The following FSIP2 variants were observed in gnomAD, a reference collection of about 807,000 sequenced individuals.
FSIP2 encodes fibrous sheath-interacting protein 2.
A neutral mutation model predicts 510.5 loss-of-function variants in FSIP2; 367 were observed. That is an observed-to-expected ratio of 0.72 (90% CI 0.66 to 0.78). The LOEUF is 0.78. Among genes scored for constraint, FSIP2 ranks in the 30% least tolerant of loss-of-function variants. The pLI, the probability that FSIP2 is intolerant of heterozygous loss-of-function variation, is 0.00. For missense variants in FSIP2, 7,594 were observed against 7,901.7 expected (o/e 0.96, Z 1.48); for synonymous variants, 2,601 against 2,732.2 (o/e 0.95, Z 1.50).
Position 185,808,614 on chromosome 2 carries a change from C to A in FSIP2, c.19308C>A (p.Asn6436Lys). The change falls in exon 17 of 23, where the codon AAC (asparagine) becomes AAA (lysine). Residue 6436 changes from asparagine to lysine, a missense_variant. By Grantham distance (94) the Asn-to-Lys change is moderately conservative. Transcript: ENST00000424728. ...ACATACTGCAACAATCAGGAACCAA[C>A]AAAGAATTTTATTATGATATAAAAG... ...YSNILQQSGT[N>K]KEFYYDIKDT... The A allele has an allele frequency of 4.4e-6, 7 of 1,602,822 alleles. No individual in the cohort carries two copies. Among genetic ancestry groups the A allele is most frequent in the Non-Finnish European group, 5.1e-6 (6 of 1,175,064 alleles).
Position 185,806,994 on chromosome 2 carries a change from G to T in FSIP2, c.17688G>T (p.Met5896Ile). 1 of 1,605,926 alleles carries T rather than the reference G, an allele frequency of 6.2e-7. No homozygotes were observed. The highest frequency in any genetic ancestry group is 8.5e-7 in the Non-Finnish European group (1 of 1,177,284). The change falls in exon 17 of 23, where the codon ATG (methionine) becomes ATT (isoleucine). Residue 5896 changes from methionine (M) to isoleucine (I), a missense_variant. Physicochemically the swap from Met to Ile is conservative, Grantham distance 10. Coordinates refer to ENST00000424728, the MANE Select transcript of FSIP2 (RefSeq NM_173651.4). ...ATAAAATGCCACCTATGCATAAAAT[G>T]ATGAGAAAACCTTCTTCAGATAAGA... Reference protein sequence around the residue: ...SADKMPPMHKMMRKPSSDKIP... With the variant: ...SADKMPPMHKIMRKPSSDKIP...
At chr2:185,830,959 T>C (rs1694097833) in intron 21 of FSIP2, among the ~76,000 whole-genome samples, 1 of 151,942 alleles carries the variant, frequency 6.6e-6, no homozygotes, top group African/African-American at 2.4e-5. Context: ...GAATCAGTAC[T>C]TTACATTGTC....
intron 18 of FSIP2, 86 bp downstream of exon 18, chr2:185,814,128 A>G (rs373090617): frequency 3.1e-6 from 4 of 1,291,036 alleles, no homozygotes; most frequent in African/African-American, 3.0e-5. Context: ...ATTAGTCAGA[A>G]AAGAATGCTA....
Position 185,802,734 on chromosome 2 carries a change from A to G in FSIP2, c.13428A>G (p.Leu4476=), listed in dbSNP as rs549703168. The change falls in exon 17 of 23, where the codon CTA becomes CTG. Residue 4476 remains leucine (L), a synonymous_variant. Transcript: ENST00000424728. ...TTTTAGAAGATATGATCAGAGTACTATTATCTAAATTATTTTCTTCTGCAT... is the reference window on the plus strand; with the variant it reads ...TTTTAGAAGATATGATCAGAGTACTGTTATCTAAATTATTTTCTTCTGCAT... ...YTFLEDMIRV[L]LSKLFSSASS... is the part of the protein sequence containing the mutation. The G allele has an allele frequency of 6.6e-7, 1 of 1,513,898 alleles. No individual in the cohort carries two copies. The highest frequency in any genetic ancestry group is 1.3e-5 in the South Asian group (1 of 79,794). The allele number at this position is 1,513,898 out of a possible 1,614,324, so 93.8% of individuals were successfully genotyped here. A position where few individuals can be genotyped will look rare whatever the true frequency, so the allele number is the denominator to read the frequency against.
At chr2:185,751,918 G>A (rs934846753) in intron 7 of FSIP2, among the ~76,000 whole-genome samples, 8 of 150,702 alleles carry the variant, frequency 5.3e-5, no homozygotes, top group East Asian at 2.0e-4. Flanking sequence ...ATACATACAC[G>A]TAATAATTCC....
chr2:185,803,507 T>C lies in FSIP2; in HGVS notation c.14201T>C (p.Ile4734Thr). ...KTLAARITNI[I>T]LAEIFDFQIH... is the part of the protein sequence containing the mutation. ...TTGGCTGCAAGAATAACTAATATCA[T>C]CCTGGCTGAAATTTTTGATTTCCAA... The change falls in exon 17 of 23, where the codon ATC becomes ACC. Residue 4734 changes from isoleucine to threonine, a missense_variant. By Grantham distance (89) the Ile-to-Thr change is moderately conservative. Coordinates refer to ENST00000424728, the MANE Select transcript of FSIP2 (RefSeq NM_173651.4). The C allele has an allele frequency of 1.3e-6, 2 of 1,532,436 alleles. No individual in the cohort carries two copies. Among genetic ancestry groups the C allele is most frequent in the Non-Finnish European group, 1.7e-6 (2 of 1,144,768 alleles). 94.9% of individuals were successfully genotyped at this position (1,532,436 alleles called of 1,614,324 possible).
chr2:185,783,298 C>T (rs937743696), intron 14 of FSIP2, among the ~76,000 whole-genome samples: 1 of 152,022 alleles, frequency 6.6e-6, no homozygotes, highest in African/African-American at 2.4e-5. Flanking sequence ...CCTTAGTGAC[C>T]ACCTATTTTG....
intron 13 of FSIP2, among the ~76,000 whole-genome samples, chr2:185,771,714 C>A (rs183369692): frequency 6.6e-6 from 1 of 152,186 alleles, no homozygotes; most frequent in Non-Finnish European, 1.5e-5. Flanking sequence ...GTTGTTAACA[C>A]TTGGCCCCCT....
In FSIP2 at chr2:185,790,909, A is replaced by G. The variant is rs1693106544; in HGVS notation, c.3773A>G (p.Asp1258Gly). 2.6e-6 allele frequency: 4 copies of G among 1,527,848 alleles called. No individual in the cohort carries two copies. Among genetic ancestry groups the G allele is most frequent in the East Asian group, 2.5e-5 (1 of 40,808 alleles). 94.6% of individuals were successfully genotyped at this position (1,527,848 alleles called of 1,614,324 possible). A position where few individuals can be genotyped will look rare whatever the true frequency, so the allele number is the denominator to read the frequency against. Residue 1258 changes from aspartate (D) to glycine (G), a missense_variant, in exon 16 of 23, where the codon GAC becomes GGC. Asp to Gly is a moderately conservative substitution (Grantham distance 94). Transcript: ENST00000424728. ...SGKSEPKPVD[D>G]INDKIIRTIF... ...AAAAGTGAACCTAAACCTGTAGATG[A>G]CATTAATGATAAGATCATTCGTACA...
In FSIP2 at chr2:185,794,510, C is replaced by T; in HGVS notation, c.7374C>T (p.Asn2458=). 6.6e-7 allele frequency: 1 copy of T among 1,524,284 alleles called. No homozygotes were observed. The allele number at this position is 1,524,284 out of a possible 1,614,324, so 94.4% of individuals were successfully genotyped here. A position where few individuals can be genotyped will look rare whatever the true frequency, so the allele number is the denominator to read the frequency against. The change falls in exon 16 of 23, where the codon AAC becomes AAT. Residue 2458 remains asparagine, a synonymous_variant. Transcript: ENST00000424728. ...AGCAAAACCAAATGATATTGGAAAA[C>T]AAAAGGCAGATAATTGTTTTGGAAG... ...PLEQNQMILE[N]KRQIIVLEEI... is the part of the protein sequence containing the mutation.
Position 185,804,511 on chromosome 2 carries a change from C to G in FSIP2, c.15205C>G (p.Gln5069Glu). ...YLLLEEIYDY[Q>E]VQSLVSGELE... ...GCTATTGGAAGAAATATATGATTAT[C>G]AAGTGCAGTCATTAGTTTCAGGAGA... is the stretch of plus-strand genomic sequence containing the variant. The change falls in exon 17 of 23, where the codon CAA becomes GAA. Residue 5069 changes from glutamine to glutamate, a missense_variant. Physicochemically the swap from Gln to Glu is conservative, Grantham distance 29. Coordinates refer to ENST00000424728, the MANE Select transcript of FSIP2 (RefSeq NM_173651.4). 6.6e-7 allele frequency: 1 copy of G among 1,513,560 alleles called. No homozygotes were observed. The highest frequency in any genetic ancestry group is 8.8e-7 in the Non-Finnish European group (1 of 1,136,266). The allele number at this position is 1,513,560 out of a possible 1,614,324, so 93.8% of individuals were successfully genotyped here.
Position 185,753,724 on chromosome 2 carries a change from A to G in FSIP2, c.873A>G (p.Lys291=). The change falls in exon 8 of 23, where the codon AAA becomes AAG. Residue 291 remains lysine, a splice_region_variant and synonymous_variant. Coordinates refer to ENST00000424728, the MANE Select transcript of FSIP2 (RefSeq NM_173651.4). The part of the protein sequence containing the change: ...HRNREESDRK[K]QDLLEKKMAY... ...ATATATTTTCTTTAATATTGTAGAA[A>G]CAAGATCTTCTAGAGAAAAAAATGG... is the stretch of plus-strand genomic sequence containing the variant. 8.6e-7 allele frequency: 1 copy of G among 1,165,154 alleles called. No individual in the cohort carries two copies. Among genetic ancestry groups the G allele is most frequent in the Non-Finnish European group, 1.2e-6 (1 of 835,992 alleles). 72.2% of individuals were successfully genotyped at this position (1,165,154 alleles called of 1,614,324 possible).
Position 185,815,472 on chromosome 2 carries a change from GTATATGAAAT to G in FSIP2, c.20426+4_20426+13del. 1.5e-6 allele frequency: 2 copies of G among 1,292,922 alleles called. No homozygotes were observed. Among genetic ancestry groups the G allele is most frequent in the East Asian group, 4.8e-5 (2 of 41,334 alleles). The allele number at this position is 1,292,922 out of a possible 1,614,324, so 80.1% of individuals were successfully genotyped here. A position where few individuals can be genotyped will look rare whatever the true frequency, so the allele number is the denominator to read the frequency against. ...AAGAAGATCTCATTTCATCTACTGG[GTATATGAAAT>G]TAAAGCAGTAGAAATATAGAAATCT... On this transcript the variant is annotated splice_donor_variant and splice_donor_5th_base_variant and intron_variant, in intron 19 of 22. Coordinates refer to ENST00000424728, the MANE Select transcript of FSIP2 (RefSeq NM_173651.4). LOFTEE classifies it high-confidence loss of function.
At position 185,793,501 on chromosome 2, in the gene FSIP2, T is replaced by C. The variant is rs1010755333; in HGVS notation, c.6365T>C (p.Ile2122Thr). The change falls in exon 16 of 23, where the codon ATA becomes ACA. Residue 2122 changes from isoleucine to threonine, a missense_variant. By Grantham distance (89) the Ile-to-Thr change is moderately conservative (BLOSUM62 -1). Coordinates refer to ENST00000424728, the MANE Select transcript of FSIP2 (RefSeq NM_173651.4). ...SFATPTLKCS[I>T]ADKHSEENSE... ...GCCACACCCACTCTGAAATGTAGCA[T>C]AGCTGATAAACATTCAGAAGAAAAT... 2.0e-6 allele frequency: 3 copies of C among 1,534,320 alleles called. No homozygotes were observed. The highest frequency in any genetic ancestry group is 1.4e-5 in the African/African-American group (1 of 72,878).
In FSIP2 at chr2:185,789,472, C is replaced by A. The variant is rs1170038832; in HGVS notation, c.2336C>A (p.Ser779Ter). The A allele has an allele frequency of 6.5e-7, 1 of 1,534,462 alleles. No individual in the cohort carries two copies. The highest frequency in any genetic ancestry group is 1.4e-5 in the African/African-American group (1 of 72,924). ...AVEKKCVEMF[S>*]QDLSVDIKPS... ...GAGAAAAAATGTGTTGAGATGTTTT[C>A]ACAAGATTTGTCAGTCGACATTAAA... The change falls in exon 16 of 23, where the codon TCA (serine) becomes TAA (stop). Residue 779 changes from serine (S) to a stop codon, truncating the protein, a stop_gained. Coordinates refer to ENST00000424728, the MANE Select transcript of FSIP2 (RefSeq NM_173651.4). LOFTEE classifies it high-confidence loss of function.
chr2:185,816,842 C>T (rs1223555217), intron 19 of FSIP2, among the ~76,000 whole-genome samples: 1 of 108,020 alleles, frequency 9.3e-6, no homozygotes, highest in African/African-American at 3.6e-5. Context: ...GGTAACAGAG[C>T]GAAACTCTGA....
At chr2:185,774,598 T>C (rs1356845531) in intron 13 of FSIP2, among the ~76,000 whole-genome samples, 1 of 151,672 alleles carries the variant, frequency 6.6e-6, no homozygotes, top group Middle Eastern at 3.4e-3. Flanking sequence ...TTTTTTACTA[T>C]ACTTTAAGTT....
intron 18 of FSIP2, among the ~76,000 whole-genome samples, chr2:185,815,023 A>G (rs1189773459): frequency 2.6e-5 from 4 of 152,026 alleles, no homozygotes; most frequent in Admixed American, 6.6e-5. Context: ...TACCTAATTG[A>G]CCAGAGTTGT....
Position 185,747,321 on chromosome 2 carries a change from G to A in FSIP2, c.768G>A (p.Lys256=), listed in dbSNP as rs1400093575. The part of the protein sequence containing the change: ...TLRRKIEEEW[K]TKEMLLLTRM... ...AACATTGTGATTTCTAGGAATGGAAGACAAAAGAGATGTTACTTCTGACAA... is the reference window on the plus strand; with the variant it reads ...AACATTGTGATTTCTAGGAATGGAAAACAAAAGAGATGTTACTTCTGACAA... Residue 256 remains lysine (K), a synonymous_variant, in exon 7 of 23, where the codon AAG becomes AAA. Transcript: ENST00000424728. The A allele has an allele frequency of 1.3e-6, 2 of 1,517,296 alleles. No homozygotes were observed. The highest frequency in any genetic ancestry group is 2.5e-5 in the East Asian group (1 of 40,712). The allele number at this position is 1,517,296 out of a possible 1,614,324, so 94.0% of individuals were successfully genotyped here.
Sources: gnomAD v4.1 joint callset for allele counts (sites outside exome capture counted in the v4.1 genomes callset) on GRCh38, gnomAD v4.1.1 for gene constraint, MANE v1.5 for transcripts, NCBI Gene and HGNC (gene_info 2026-07-23, HGNC 2026-07-21) for gene names.